DNAH5: variants seen among roughly 807,000 people sequenced by gnomAD.
The protein encoded by DNAH5 is dynein axonemal heavy chain 5.
In DNAH5, 372 loss-of-function variants were observed where a neutral mutation model predicts 518.2. The observed-to-expected ratio is 0.72, with a 90% CI of 0.66 to 0.78. The LOEUF (loss-of-function observed/expected upper bound fraction) is 0.78, where lower values mean the gene tolerates loss of function less well. Among genes scored for constraint, DNAH5 ranks in the 30% least tolerant of loss-of-function variants. DNAH5 has a pLI of 0.00. For synonymous variants in DNAH5, 2,039 were observed against 2,025.9 expected (o/e 1.01, Z -0.17); for missense variants, 5,523 against 5,687.0 (o/e 0.97, Z 0.93).
chr5:13,794,923 C>T (rs765536754), intron 47 of DNAH5, among the ~76,000 whole-genome samples: 3 of 152,162 alleles, frequency 2.0e-5, no homozygotes, highest in Admixed American at 1.3e-4. Context: ...GCCAAGATAA[C>T]GCCACTGCAC....
chr5:13,973,082 C>T (rs1781993595), intron 1 of DNAH5, among the ~76,000 whole-genome samples: 1 of 152,110 alleles, frequency 6.6e-6, no homozygotes, highest in South Asian at 2.1e-4. Flanking sequence ...CTGGATTATC[C>T]AGGTGGGCCC....
At chr5:13,874,524 A>AT (rs951022035) in intron 22 of DNAH5, among the ~76,000 whole-genome samples, 13 of 150,456 alleles carry the variant, frequency 8.6e-5, no homozygotes, top group African/African-American at 9.8e-5. Context: ...ACGTTTCTAT[A>AT]TTTTTTTTTT....
At chr5:13,875,496 A>AT (rs995769707) in intron 22 of DNAH5, among the ~76,000 whole-genome samples, 52 of 149,492 alleles carry the variant, frequency 3.5e-4, no homozygotes, top group African/African-American at 1.0e-3. Context: ...AGACACAGAG[A>AT]TAAGTATTTT....
At chr5:13,846,217 C>T (rs1460431789) in intron 31 of DNAH5, among the ~76,000 whole-genome samples, 1 of 151,982 alleles carries the variant, frequency 6.6e-6, no homozygotes, top group Non-Finnish European at 1.5e-5. Context: ...GGTTGGTGTA[C>T]AGATTATTCC....
At chr5:13,911,011 A>G (rs1309275881) in intron 12 of DNAH5, among the ~76,000 whole-genome samples, 1 of 152,204 alleles carries the variant, frequency 6.6e-6, no homozygotes, top group Non-Finnish European at 1.5e-5. Context: ...TCTGCCAGAC[A>G]TTGCTGACCA....
rs534537263 is a variant in DNAH5, at chr5:13,972,724, A to T, written c.12+38924T>A. ...CGGCAGCAGCAAGCCGCTTCCTTCA[A>T]AGGGTGTGTGGATTCTCTCAGCTTT... is the stretch of plus-strand genomic sequence containing the variant. On this transcript the variant is annotated intron_variant, in intron 1 of 78. Transcript: ENST00000681290. Among the ~76,000 whole-genome samples, 5 of 152,240 alleles carry T rather than the reference A, an allele frequency of 3.3e-5. No homozygotes were observed. The South Asian group carries it at 1.0e-3, about 32-fold the overall frequency.
intron 40 of DNAH5, 150 bp downstream of exon 40, chr5:13,823,113 T>C: frequency 2.7e-6 from 2 of 736,600 alleles, no homozygotes; most frequent in South Asian, 1.4e-5. Context: ...GTGGTGTGCA[T>C]TGGCCTCCCT....
At chr5:13,853,775 G>T (rs1767220568) in intron 30 of DNAH5, among the ~76,000 whole-genome samples, 2 of 151,818 alleles carry the variant, frequency 1.3e-5, no homozygotes, top group African/African-American at 2.4e-5. Context: ...GGATATCAGA[G>T]ATTGAAGATC....
In DNAH5 at chr5:13,823,354, G is replaced by T. The variant is rs766329468; in HGVS notation, c.6596C>A (p.Pro2199His). Residue 2199 changes from proline to histidine, a missense_variant, in exon 40 of 79, where the codon CCC becomes CAC. By Grantham distance (77) the Pro-to-His change is moderately conservative (BLOSUM62 -2). Transcript: ENST00000265104. ...ATCTTCAATCAAACTCAAAAACAAGGGTTCATCCTCATCAATCTAAAAAAA... is the reference window on the plus strand; with the variant it reads ...ATCTTCAATCAAACTCAAAAACAAGTGTTCATCCTCATCAATCTAAAAAAA... ...NLSKLIDEDE[P>H]LFLSLIEDLF... 10 of 1,612,092 alleles carry T rather than the reference G, an allele frequency of 6.2e-6. No homozygotes were observed. In the East Asian group the frequency reaches 1.1e-4, roughly 18 times the overall value.
At chr5:13,781,273 T>C (rs1755089051) in intron 52 of DNAH5, among the ~76,000 whole-genome samples, 1 of 152,172 alleles carries the variant, frequency 6.6e-6, no homozygotes, top group African/African-American at 2.4e-5. Flanking sequence ...AAGGGGACTT[T>C]GAGGATTCCT....
chr5:13,871,152 C>T (rs1770044194), intron 23 of DNAH5, 150 bp from the exon 24 acceptor site: 2 of 639,062 alleles, frequency 3.1e-6, no homozygotes, highest in Non-Finnish European at 5.5e-6. Context: ...ATAATTTTTC[C>T]TACTCATTAT....
intron 56 of DNAH5, 92 bp from the exon 57 acceptor site, chr5:13,769,707 A>C: frequency 1.8e-6 from 2 of 1,082,914 alleles, no homozygotes; most frequent in Non-Finnish European, 2.8e-6. Context: ...GGTAATGGTT[A>C]TATCTGAAGA....
chr5:13,894,293 T>C (rs1773636650), intron 16 of DNAH5, among the ~76,000 whole-genome samples: 1 of 152,338 alleles, frequency 6.6e-6, no homozygotes, highest in African/African-American at 2.4e-5. Context: ...TATCCTGTTG[T>C]TCAGCACTGT....
At chr5:13,878,178 A>T (rs888162501) in intron 21 of DNAH5, among the ~76,000 whole-genome samples, 8 of 152,192 alleles carry the variant, frequency 5.3e-5, no homozygotes, top group African/African-American at 1.4e-4. Flanking sequence ...TCTGTCCAGA[A>T]GGGGTTAATG....
At chr5:13,724,048 C>A (rs116610744) in intron 70 of DNAH5, among the ~76,000 whole-genome samples, 2 of 152,192 alleles carry the variant, frequency 1.3e-5, no homozygotes, top group African/African-American at 4.8e-5. Flanking sequence ...GGCCCCACTG[C>A]GGTAGGCATG....
intron 15 of DNAH5, among the ~76,000 whole-genome samples, chr5:13,895,907 G>C (rs1773866796): frequency 6.6e-6 from 1 of 152,000 alleles, no homozygotes; most frequent in Non-Finnish European, 1.5e-5. Context: ...TCAAAACCCA[G>C]AGTCATCCTT....
At chr5:13,719,146 C>A (rs755231032) in intron 71 of DNAH5, 45 bp from the exon 72 acceptor site, 1 of 1,432,640 alleles carries the variant, frequency 7.0e-7, no homozygotes, top group Middle Eastern at 1.7e-4. Flanking sequence ...TGTATTTCAC[C>A]CAAATTCTAA....
Position 13,864,532 on chromosome 5 carries a change from G to A in DNAH5, c.4461C>T (p.Ala1487=), listed in dbSNP as rs2151908691. The change falls in exon 28 of 79, where the codon GCC becomes GCT. Residue 1487 remains alanine, a synonymous_variant. Transcript: ENST00000265104. ...AGTGCCGCTCCATCATGGCTTTACT[G>A]GCCATGTATTCCAGCAGCGGGCAAC... ...SECCPLLEYM[A]SKAMMERHWE... is the part of the protein sequence containing the mutation. The A allele has an allele frequency of 6.2e-7, 1 of 1,614,060 alleles. No homozygotes were observed. The highest frequency in any genetic ancestry group is 8.5e-7 in the Non-Finnish European group (1 of 1,179,994).
At chr5:13,953,004 C>T (rs968295236) in intron 1 of DNAH5, among the ~76,000 whole-genome samples, 6 of 152,212 alleles carry the variant, frequency 3.9e-5, no homozygotes, top group Non-Finnish European at 7.3e-5. Context: ...TGCGTTGTCA[C>T]AAGACAAATC....
Sources: gnomAD v4.1 joint callset for allele counts (sites outside exome capture counted in the v4.1 genomes callset) on GRCh38, gnomAD v4.1.1 for gene constraint, MANE v1.5 for transcripts, NCBI Gene and HGNC (gene_info 2026-07-23, HGNC 2026-07-21) for gene names.